TMIGD3: variants seen among roughly 807,000 people sequenced by gnomAD.
TMIGD3 encodes the protein transmembrane and immunoglobulin domain containing 3, also known as AD026 protein (AD026).
TMIGD3 carries 21 observed loss-of-function variants against 28.1 expected under a neutral mutation model. The observed-to-expected ratio is 0.75, with a 90% CI of 0.53 to 1.08. TMIGD3 has a LOEUF of 1.08. Among genes scored for constraint, TMIGD3 ranks in the 50% least tolerant of loss-of-function variants. The pLI is 0.00. For missense variants in TMIGD3, 416 were observed against 435.6 expected (o/e 0.96, Z 0.40); for synonymous variants, 151 against 162.1 (o/e 0.93, Z 0.52).
chr1:111,551,395 T>C (rs1400188093), intron 1 of TMIGD3, among the ~76,000 whole-genome samples: 1 of 152,202 alleles, frequency 6.6e-6, no homozygotes, highest in Non-Finnish European at 1.5e-5. Flanking sequence ...CCATTTCTTT[T>C]ACTACATACT....
chr1:111,534,823 C>T (rs991025250), intron 1 of TMIGD3, among the ~76,000 whole-genome samples: 2 of 152,084 alleles, frequency 1.3e-5, no homozygotes, highest in African/African-American at 4.8e-5. Context: ...CTGACTTCCT[C>T]CCTTACTCTC....
At chr1:111,506,651 C>T (rs982095696), upstream of TMIGD3, among the ~76,000 whole-genome samples, 13 of 151,980 alleles carry the variant, frequency 8.6e-5, no homozygotes, top group Non-Finnish European at 1.9e-4. Flanking sequence ...TGTTGCCATG[C>T]TATCAAAATC....
At chr1:111,515,111 C>T (rs1655814465) in intron 1 of TMIGD3, among the ~76,000 whole-genome samples, 1 of 152,218 alleles carries the variant, frequency 6.6e-6, no homozygotes, top group Non-Finnish European at 1.5e-5. Flanking sequence ...AGATGGGAAA[C>T]AGAGGCTGAG....
At chr1:111,538,420 C>G (rs148750965) in intron 1 of TMIGD3, among the ~76,000 whole-genome samples, 26 of 152,308 alleles carry the variant, frequency 1.7e-4, no homozygotes, top group African/African-American at 6.0e-4. Context: ...CTGTGTGTGA[C>G]TAAGGGCTCT....
At chr1:111,534,100 T>C (rs930422187) in intron 1 of TMIGD3, among the ~76,000 whole-genome samples, 2 of 152,200 alleles carry the variant, frequency 1.3e-5, no homozygotes, top group Non-Finnish European at 2.9e-5. Context: ...GATATTATTA[T>C]ATATTTTATT....
intron 1 of TMIGD3, among the ~76,000 whole-genome samples, chr1:111,531,814 G>A (rs1656468281): frequency 6.6e-6 from 1 of 152,056 alleles, no homozygotes; most frequent in African/African-American, 2.4e-5. Context: ...TGCCTCCCAT[G>A]TAGCTGGGAC....
chr1:111,486,539 C>T (rs1320738521), intron 4 of TMIGD3, 47 bp downstream of exon 4: 1 of 1,398,328 alleles, frequency 7.2e-7, no homozygotes, highest in Non-Finnish European at 1.0e-6. Context: ...GCCCCTACCT[C>T]CACCCCACCG....
chr1:111,548,290 G>A (rs1657113190), intron 1 of TMIGD3, among the ~76,000 whole-genome samples: 2 of 152,170 alleles, frequency 1.3e-5, no homozygotes, highest in Admixed American at 1.3e-4. Flanking sequence ...CAAAGTGCTG[G>A]GATTACAAGC....
intron 1 of TMIGD3, chr1:111,500,728 C>T: frequency 1.5e-6 from 1 of 651,374 alleles, no homozygotes; most frequent in Non-Finnish European, 2.6e-6. Context: ...TCCAGCTAAA[C>T]TCCACTGGAT....
intron 1 of TMIGD3, among the ~76,000 whole-genome samples, chr1:111,513,655 G>T (rs1464608090): frequency 6.6e-6 from 1 of 152,172 alleles, no homozygotes; most frequent in Non-Finnish European, 1.5e-5. Context: ...GTTCGACACG[G>T]TTTCAGTGAC....
chr1:111,511,594 A>G (rs866725602), intron 1 of TMIGD3, among the ~76,000 whole-genome samples: 1 of 152,070 alleles, frequency 6.6e-6, no homozygotes, highest in South Asian at 2.1e-4. Flanking sequence ...TATTTACATT[A>G]CAGTTGCTAT....
At chr1:111,535,401 C>T (rs1656606422) in intron 1 of TMIGD3, among the ~76,000 whole-genome samples, 1 of 152,164 alleles carries the variant, frequency 6.6e-6, no homozygotes, top group Non-Finnish European at 1.5e-5. Flanking sequence ...TTTCAGGCAC[C>T]ATCTGATTAG....
intron 1 of TMIGD3, among the ~76,000 whole-genome samples, chr1:111,561,392 G>A (rs1311221062): frequency 1.3e-5 from 2 of 152,236 alleles, no homozygotes; most frequent in African/African-American, 2.4e-5. Context: ...TCAGTGCTGG[G>A]ATTACAGGCG....
At chr1:111,502,183 G>C (rs1655238809) in intron 1 of TMIGD3, among the ~76,000 whole-genome samples, 2 of 48,842 alleles carry the variant, frequency 4.1e-5, no homozygotes, top group Non-Finnish European at 7.5e-5. Flanking sequence ...TAAATATATA[G>C]GATATATATA....
intron 1 of TMIGD3, among the ~76,000 whole-genome samples, chr1:111,493,404 G>A (rs75204663): frequency 2.6e-5 from 4 of 152,036 alleles, no homozygotes; most frequent in Non-Finnish European, 1.5e-5. Context: ...CTTCCCTTGC[G>A]TTCATCATGT....
intron 1 of TMIGD3, among the ~76,000 whole-genome samples, chr1:111,558,123 C>T (rs1657577095): frequency 6.6e-6 from 1 of 152,094 alleles, no homozygotes; most frequent in South Asian, 2.1e-4. Context: ...TTAAATATAA[C>T]AGTAATTACA....
At chr1:111,505,832 C>T (rs1383881349), upstream of TMIGD3, among the ~76,000 whole-genome samples, 3 of 152,026 alleles carry the variant, frequency 2.0e-5, no homozygotes, top group Non-Finnish European at 4.4e-5. Context: ...ATTTGGTCTG[C>T]ACATTGCCTT....
intron 1 of TMIGD3, among the ~76,000 whole-genome samples, chr1:111,502,794 G>A (rs1446271908): frequency 6.6e-6 from 1 of 151,912 alleles, no homozygotes; most frequent in Non-Finnish European, 1.5e-5. Flanking sequence ...AGTGGAGAAA[G>A]GATTGGAGCA....
At chr1:111,495,833 A>G (rs1300914259) in intron 1 of TMIGD3, among the ~76,000 whole-genome samples, 1 of 152,276 alleles carries the variant, frequency 6.6e-6, no homozygotes, top group Non-Finnish European at 1.5e-5. Context: ...CATGAAAAAG[A>G]ACAAGATCAT....
Sources: allele counts gnomAD v4.1 joint callset (sites outside exome capture counted in the v4.1 genomes callset), GRCh38; gene constraint gnomAD v4.1.1; transcripts MANE v1.5; gene names NCBI Gene and HGNC (gene_info 2026-07-23, HGNC 2026-07-21).